The following UBE4B variants were observed in gnomAD, a reference collection of about 807,000 sequenced individuals.
UBE4B encodes ubiquitin conjugation factor E4 B.
A neutral mutation model predicts 148.1 loss-of-function variants in UBE4B; 27 were observed. The observed-to-expected ratio is 0.18, with a 90% confidence interval of 0.13 to 0.25. UBE4B has a LOEUF of 0.25. Ranked by LOEUF, UBE4B falls within the 10% of genes least tolerant of loss-of-function variation. The pLI is 1.00. For missense variants in UBE4B, 1,170 were observed against 1,662.4 expected (o/e 0.70, Z 5.15); for synonymous variants, 596 against 619.3 (o/e 0.96, Z 0.56).
Position 10,135,139 on chromosome 1 carries a change from G to C in UBE4B, c.2177G>C (p.Arg726Pro). 1 of 1,613,902 alleles carries C rather than the reference G, an allele frequency of 6.2e-7. No homozygotes were observed. The highest frequency in any genetic ancestry group is 8.5e-7 in the Non-Finnish European group (1 of 1,179,962). ...ATTACTCTTCCCAATGATGAGACGCGTGTGAATGCAACGATGGAAGATGTG... is the reference window on the plus strand; with the variant it reads ...ATTACTCTTCCCAATGATGAGACGCCTGTGAATGCAACGATGGAAGATGTG... Reference protein sequence around the residue: ...CRITLPNDETRVNATMEDVND... With the variant: ...CRITLPNDETPVNATMEDVND... The change falls in exon 16 of 28, where the codon CGT becomes CCT. Residue 726 changes from arginine (R) to proline (P), a missense_variant. Physicochemically the swap from Arg to Pro is moderately radical, Grantham distance 103 (BLOSUM62 -2). Transcript: ENST00000343090.
At chr1:10,178,516 T>C (rs1401071207) in intron 25 of UBE4B, 128 bp from the exon 26 acceptor site, 33 of 808,280 alleles carry the variant, frequency 4.1e-5, no homozygotes, top group Non-Finnish European at 5.7e-5. Flanking sequence ...TATAAGTGTA[T>C]ATATAATTTT....
At chr1:10,175,776 G>T (rs1419590846) in intron 25 of UBE4B, among the ~76,000 whole-genome samples, 1 of 152,198 alleles carries the variant, frequency 6.6e-6, no homozygotes, top group South Asian at 2.1e-4. Context: ...ACCAGAATAT[G>T]AGTCTGCGTC....
At chr1:10,150,011 C>G (rs1310336425) in intron 20 of UBE4B, among the ~76,000 whole-genome samples, 3 of 152,000 alleles carry the variant, frequency 2.0e-5, no homozygotes. Flanking sequence ...GGTCCCCAGT[C>G]ACAGAATACA....
chr1:10,178,183 A>G (rs1646454721), intron 25 of UBE4B, among the ~76,000 whole-genome samples: 1 of 152,022 alleles, frequency 6.6e-6, no homozygotes, highest in Admixed American at 6.6e-5. Context: ...ACAATAGTGG[A>G]TTGTTTTTAC....
At chr1:10,047,739 G>T (rs1166609639) in intron 1 of UBE4B, among the ~76,000 whole-genome samples, 2 of 151,984 alleles carry the variant, frequency 1.3e-5, no homozygotes, top group Admixed American at 6.6e-5. Flanking sequence ...TGACCCACCC[G>T]CCTCGGCCTC....
chr1:10,045,690 A>G (rs1384350763), intron 1 of UBE4B, among the ~76,000 whole-genome samples: 1 of 152,184 alleles, frequency 6.6e-6, no homozygotes, highest in Non-Finnish European at 1.5e-5. Flanking sequence ...AAGCAGAGAG[A>G]AAGGCGGCCA....
chr1:10,102,786 A>G (rs1645037321), intron 4 of UBE4B, among the ~76,000 whole-genome samples, 162 bp from the exon 5 acceptor site: 1 of 152,182 alleles, frequency 6.6e-6, no homozygotes, highest in Admixed American at 6.5e-5. Context: ...TTGATGTTAT[A>G]GGAATAGGCT....
rs552524411 is a variant in UBE4B, at chr1:10,138,238, C to T, written c.2363+1033C>T. On this transcript the variant is annotated intron_variant, in intron 17 of 27. Transcript: ENST00000343090. ...TCAGTCTCCTGAGTAGCTGGGACTA[C>T]AGGCGCCCACCACCACACCCAGCTA... Among the ~76,000 whole-genome samples the T allele has an allele frequency of 8.6e-5, 13 of 151,966 alleles. No homozygotes were observed. In the South Asian group the frequency reaches 1.2e-3, roughly 15 times the overall value.
chr1:10,077,181 G>T (rs765425754), intron 2 of UBE4B, among the ~76,000 whole-genome samples: 13 of 152,184 alleles, frequency 8.5e-5, no homozygotes, highest in Non-Finnish European at 1.9e-4. Context: ...CCAAAGCCAA[G>T]GTGTTGGTAG....
chr1:10,130,685 G>A, intron 13 of UBE4B, 30 bp from the exon 14 acceptor site: 1 of 1,613,006 alleles, frequency 6.2e-7, no homozygotes, highest in Non-Finnish European at 8.5e-7. Flanking sequence ...TGCATTATAT[G>A]TTGACTGCAT....
rs1328071376 is a variant in UBE4B at position 10,095,495 on chromosome 1, C to T, written c.246C>T (p.Val82=). ...VAHRSQSSEG[V]SSLSSSPSNS... is the part of the protein sequence containing the mutation. ...ATCGAAGCCAGAGCAGTGAAGGAGT[C>T]AGTTCTCTCAGCAGCTCGCCCTCTA... Residue 82 remains valine (V), a synonymous_variant, in exon 3 of 28, where the codon GTC becomes GTT. Coordinates refer to ENST00000343090, the MANE Select transcript of UBE4B (RefSeq NM_001105562.3). 2 of 1,613,986 alleles carry T rather than the reference C, an allele frequency of 1.2e-6. No individual in the cohort carries two copies. Among genetic ancestry groups the T allele is most frequent in the Non-Finnish European group, 1.7e-6 (2 of 1,180,026 alleles).
At chr1:10,138,281 TAG>T (rs776814203) in intron 17 of UBE4B, among the ~76,000 whole-genome samples, 7 of 152,032 alleles carry the variant, frequency 4.6e-5, no homozygotes, top group Non-Finnish European at 1.0e-4. Flanking sequence ...GTATTTTTAG[TAG>T]AGACGGGGTT....
intron 25 of UBE4B, among the ~76,000 whole-genome samples, chr1:10,175,122 C>G (rs1266903059): frequency 6.6e-6 from 1 of 152,152 alleles, no homozygotes; most frequent in East Asian, 1.9e-4. Context: ...TGAAGAGCCA[C>G]TGAGCTTGAT....
intron 26 of UBE4B, 156 bp from the exon 27 acceptor site, chr1:10,179,260 A>G: frequency 1.1e-6 from 1 of 892,764 alleles, no homozygotes; most frequent in South Asian, 1.7e-5. Flanking sequence ...ATATGCCTTT[A>G]TTGAAGGCTG....
At chr1:10,092,952 G>A (rs1644873644) in intron 2 of UBE4B, among the ~76,000 whole-genome samples, 1 of 152,172 alleles carries the variant, frequency 6.6e-6, no homozygotes, top group South Asian at 2.1e-4. Flanking sequence ...GAAATGTGAA[G>A]ATCATGTGGA....
chr1:10,053,931 C>T (rs983906239), intron 1 of UBE4B, among the ~76,000 whole-genome samples: 1 of 152,208 alleles, frequency 6.6e-6, no homozygotes, highest in African/African-American at 2.4e-5. Flanking sequence ...AAGTGATCCT[C>T]CTGCCTTGGC....
intron 10 of UBE4B, among the ~76,000 whole-genome samples, chr1:10,124,147 C>T (rs1001597191): frequency 6.6e-6 from 1 of 151,890 alleles, no homozygotes; most frequent in Admixed American, 6.6e-5. Context: ...CCACCACAGA[C>T]CTGTTTATTC....
chr1:10,104,486 T>G (rs1645073589), intron 5 of UBE4B, among the ~76,000 whole-genome samples: 1 of 152,058 alleles, frequency 6.6e-6, no homozygotes, highest in Non-Finnish European at 1.5e-5. Flanking sequence ...AGTCCCTCAA[T>G]AGATAGATTT....
At chr1:10,123,292 G>A (rs950362047) in intron 10 of UBE4B, among the ~76,000 whole-genome samples, 5 of 151,968 alleles carry the variant, frequency 3.3e-5, no homozygotes, top group African/African-American at 1.2e-4. Context: ...TTAACTGGGT[G>A]TGGTGACGGG....
Sources: gnomAD v4.1 joint callset for allele counts (sites outside exome capture counted in the v4.1 genomes callset) on GRCh38, gnomAD v4.1.1 for gene constraint, MANE v1.5 for transcripts, NCBI Gene and HGNC (gene_info 2026-07-23, HGNC 2026-07-21) for gene names.